Variants in INO80 observed in about 807,000 individuals in gnomAD.
INO80 encodes the protein chromatin-remodeling ATPase INO80.
INO80 carries 20 observed loss-of-function variants against 203.4 expected under a neutral mutation model. The ratio of observed to expected loss-of-function variants is 0.10; its 90% CI spans 0.07 to 0.14. The LOEUF is 0.14. Ranked by LOEUF, INO80 falls within the 10% of genes least tolerant of loss-of-function variation. The pLI is 1.00. For synonymous variants in INO80, 726 were observed against 685.2 expected (o/e 1.06, Z -0.93); for missense variants, 1,419 against 1,914.4 (o/e 0.74, Z 4.83).
At chr15:40,986,682 A>G (rs1434613935) in intron 31 of INO80, among the ~76,000 whole-genome samples, 1 of 151,996 alleles carries the variant, frequency 6.6e-6, no homozygotes, top group Non-Finnish European at 1.5e-5. Context: ...CTGGAGTGCA[A>G]TGGCATGATC....
chr15:41,074,517 A>T lies in INO80; in HGVS notation c.1180T>A (p.Leu394Met). The T allele has an allele frequency of 6.2e-7, 1 of 1,613,490 alleles. No homozygotes were observed. The highest frequency in any genetic ancestry group is 8.5e-7 in the Non-Finnish European group (1 of 1,179,846). Residue 394 changes from leucine to methionine, a missense_variant, in exon 10 of 36, where the codon TTG becomes ATG. Transcript: ENST00000648947. ...TTGCGACTCATGAAATGGGCATACA[A>T]CTCTGTCTGGGTAATTAAGAAGTTG... ...KLNFLITQTE[L>M]YAHFMSRKRD...
intron 10 of INO80, 70 bp from the exon 11 acceptor site, chr15:41,073,565 A>G: frequency 1.7e-6 from 2 of 1,155,754 alleles, no homozygotes; most frequent in Non-Finnish European, 2.6e-6. Flanking sequence ...ATTAACACCA[A>G]TGTATGTGGA....
At chr15:41,068,840 A>G (rs926040988) in intron 14 of INO80, among the ~76,000 whole-genome samples, 2 of 152,212 alleles carry the variant, frequency 1.3e-5, no homozygotes, top group Non-Finnish European at 2.9e-5. Context: ...AGCCTCGGCG[A>G]CAGAGTGAGA....
chr15:40,990,823 G>A (rs1192106570), intron 29 of INO80, among the ~76,000 whole-genome samples: 1 of 152,224 alleles, frequency 6.6e-6, no homozygotes, highest in Non-Finnish European at 1.5e-5. Context: ...AGTTGGACTA[G>A]AGGATAACAT....
chr15:41,026,586 C>G (rs2044378511), intron 25 of INO80, among the ~76,000 whole-genome samples: 2 of 151,374 alleles, frequency 1.3e-5, no homozygotes, highest in African/African-American at 4.9e-5. Context: ...CAAAAAAAAC[C>G]AACAAACCTG....
chr15:41,045,100 C>G, intron 23 of INO80, 25 bp from the exon 24 acceptor site: 1 of 1,572,462 alleles, frequency 6.4e-7, no homozygotes, highest in Admixed American at 2.0e-5. Flanking sequence ...AGCAGACACG[C>G]TTATTCAGTG....
chr15:41,021,408 T>G (rs1393392049), intron 25 of INO80, among the ~76,000 whole-genome samples: 1 of 152,224 alleles, frequency 6.6e-6, no homozygotes, highest in Non-Finnish European at 1.5e-5. Flanking sequence ...ATAACTCTAT[T>G]ATATGCATAT....
chr15:41,073,813 A>G (rs959396759), intron 10 of INO80, among the ~76,000 whole-genome samples: 2 of 152,162 alleles, frequency 1.3e-5, no homozygotes, highest in Non-Finnish European at 2.9e-5. Flanking sequence ...AAATTTTAAT[A>G]TATTTATGAT....
At chr15:41,057,603 C>G (rs571846897) in intron 16 of INO80, among the ~76,000 whole-genome samples, 3 of 151,854 alleles carry the variant, frequency 2.0e-5, no homozygotes, top group Admixed American at 2.0e-4. Context: ...TCGAGACAAG[C>G]CTGGCCACCA....
At chr15:40,984,877 T>G (rs762992009) in intron 32 of INO80, among the ~76,000 whole-genome samples, 1 of 152,180 alleles carries the variant, frequency 6.6e-6, no homozygotes, top group Non-Finnish European at 1.5e-5. Flanking sequence ...GTTCAAATCC[T>G]TGGTGTGAAC....
chr15:40,981,274 C>G (rs1052394668), intron 35 of INO80, among the ~76,000 whole-genome samples: 26 of 152,120 alleles, frequency 1.7e-4, no homozygotes, highest in Admixed American at 1.6e-3. Flanking sequence ...TGCTCTACCC[C>G]CTCTATCTCC....
chr15:40,981,099 T>C (rs1893810976), intron 35 of INO80, among the ~76,000 whole-genome samples: 1 of 152,256 alleles, frequency 6.6e-6, no homozygotes, highest in Non-Finnish European at 1.5e-5. Flanking sequence ...GATTCTTCAA[T>C]TGTTTCATAT....
intron 14 of INO80, among the ~76,000 whole-genome samples, chr15:41,068,294 C>T (rs28728367): frequency 0.011 from 1,650 of 152,126 alleles, 36 homozygotes; most frequent in African/African-American, 0.039. Context: ...GTGGCTCACA[C>T]CTGTAATCTC....
chr15:40,991,023 A>T (rs535528445), intron 29 of INO80, among the ~76,000 whole-genome samples: 10 of 152,218 alleles, frequency 6.6e-5, no homozygotes, highest in African/African-American at 2.4e-4. Context: ...TGGGTGGTGG[A>T]GGTGGGTGGA....
chr15:41,110,847 C>T (rs373567995), intron 1 of INO80, among the ~76,000 whole-genome samples: 1 of 152,144 alleles, frequency 6.6e-6, no homozygotes, highest in Non-Finnish European at 1.5e-5. Flanking sequence ...ATGGTGAATG[C>T]CATCTTAAAA....
Position 41,055,284 on chromosome 15 carries a change from A to G in INO80, c.2151T>C (p.Ile717=). ...EEFNEWFSKD[I]ESHAENKSAI... is the part of the protein sequence containing the mutation. ...CAGATTTGTTTTCGGCATGGCTCTC[A>G]ATGTCCTTGGAAAACCATTCATTAA... Residue 717 remains isoleucine, a synonymous_variant, in exon 18 of 36, where the codon ATT becomes ATC. Transcript: ENST00000648947. The G allele has an allele frequency of 6.2e-7, 1 of 1,613,296 alleles. No homozygotes were observed. Among genetic ancestry groups the G allele is most frequent in the East Asian group, 2.2e-5 (1 of 44,820 alleles).
At position 41,032,558 on chromosome 15, in the gene INO80, T is replaced by C. The variant is rs564189605; in HGVS notation, c.2908-4822A>G. Among the ~76,000 whole-genome samples the C allele has an allele frequency of 2.0e-5, 3 of 151,910 alleles. No homozygotes were observed. The East Asian group carries it at 5.8e-4, about 29-fold the overall frequency. On this transcript the variant is annotated intron_variant, in intron 24 of 35. Transcript: ENST00000648947. Reference sequence around the variant, plus strand: ...TTTTGAAAACTTCCTGTTTGGGGGGTGAAATCTTCAATCAATAGCCCGTCA... The same window carrying C: ...TTTTGAAAACTTCCTGTTTGGGGGGCGAAATCTTCAATCAATAGCCCGTCA...
chr15:40,996,181 C>T (rs2043878671), intron 29 of INO80, among the ~76,000 whole-genome samples: 2 of 152,164 alleles, frequency 1.3e-5, no homozygotes, highest in African/African-American at 4.8e-5. Flanking sequence ...GTCAGAGAGG[C>T]ACCACGATAG....
At chr15:41,027,929 G>T in intron 24 of INO80, 193 bp from the exon 25 acceptor site, 2 of 392,420 alleles carry the variant, frequency 5.1e-6, no homozygotes, top group East Asian at 3.9e-5. Flanking sequence ...TTCAAAATGT[G>T]GTTTTATTAA....
Sources: allele counts gnomAD v4.1 joint callset (sites outside exome capture counted in the v4.1 genomes callset), GRCh38; gene constraint gnomAD v4.1.1; transcripts MANE v1.5; gene names NCBI Gene and HGNC (gene_info 2026-07-23, HGNC 2026-07-21).